The following FBXL13 variants were observed in gnomAD, a reference collection of about 807,000 sequenced individuals.
FBXL13 encodes the protein F-box and leucine rich repeat protein 13, also known as F-box and leucine-rich repeat protein 13.
FBXL13 carries 67 observed loss-of-function variants against 83.6 expected under a neutral mutation model. The ratio of observed to expected loss-of-function variants is 0.80; its 90% CI spans 0.66 to 0.98. FBXL13 has a LOEUF of 0.98. Among genes scored for constraint, FBXL13 ranks in the 50% least tolerant of loss-of-function variants. The pLI, the probability that FBXL13 is intolerant of heterozygous loss-of-function variation, is 0.00. For missense variants in FBXL13, 822 were observed against 866.5 expected, an observed-to-expected ratio of 0.95 and a Z score of 0.64; for synonymous variants, 272 against 299.5, an observed-to-expected ratio of 0.91 and a Z score of 0.95.
At chr7:102,885,569 T>C (rs1810682230) in intron 11 of FBXL13, among the ~76,000 whole-genome samples, 1 of 152,188 alleles carries the variant, frequency 6.6e-6, no homozygotes, top group African/African-American at 2.4e-5. Flanking sequence ...CTGTAGGTTG[T>C]CTTCTCATTT....
intron 2 of FBXL13, among the ~76,000 whole-genome samples, chr7:103,044,214 C>A (rs536392888): frequency 6.6e-6 from 1 of 152,126 alleles, no homozygotes; most frequent in Non-Finnish European, 1.5e-5. Context: ...ACAAATTACC[C>A]GTTTCCTTCA....
chr7:102,843,943 G>A (rs1803482755), intron 17 of FBXL13, among the ~76,000 whole-genome samples: 1 of 152,142 alleles, frequency 6.6e-6, no homozygotes, highest in Non-Finnish European at 1.5e-5. Context: ...ATACCTAAGT[G>A]ATCATCAGAC....
chr7:103,017,433 G>A (rs1162158095), intron 6 of FBXL13, among the ~76,000 whole-genome samples: 1 of 152,180 alleles, frequency 6.6e-6, no homozygotes, highest in South Asian at 2.1e-4. Flanking sequence ...CCCCTCCAAA[G>A]GAATGCAGCT....
intron 10 of FBXL13, among the ~76,000 whole-genome samples, chr7:102,921,461 C>G (rs1271101717): frequency 2.0e-5 from 3 of 151,968 alleles, no homozygotes; most frequent in African/African-American, 7.3e-5. Context: ...GGGTGGATCA[C>G]CTGAGGTCAG....
chr7:102,907,266 G>T lies in FBXL13; in HGVS notation c.1008+5820C>A, dbSNP rs1379032936. Among the ~76,000 whole-genome samples the T allele has an allele frequency of 2.0e-5, 3 of 151,932 alleles. No homozygotes were observed. The East Asian group carries it at 5.8e-4, about 29-fold the overall frequency. ...CTTAAGGCCAACAATTCTTAGATTT[G>T]CCCTTTTGAAATTATTTTCTAGATC... On this transcript the variant is annotated intron_variant, in intron 11 of 19. Transcript: ENST00000313221.
At chr7:103,052,335 T>C (rs984244269) in intron 2 of FBXL13, among the ~76,000 whole-genome samples, 15 of 152,146 alleles carry the variant, frequency 9.9e-5, no homozygotes, top group African/African-American at 3.6e-4. Flanking sequence ...GCAATTCTCC[T>C]ACCTCAGCCT....
intron 17 of FBXL13, among the ~76,000 whole-genome samples, chr7:102,842,787 T>G (rs1233061781): frequency 6.6e-6 from 1 of 152,196 alleles, no homozygotes; most frequent in Non-Finnish European, 1.5e-5. Flanking sequence ...TTCTAGGGGT[T>G]TCAGTTCCAT....
chr7:103,052,975 TC>T (rs1796980376), intron 2 of FBXL13, among the ~76,000 whole-genome samples: 2 of 151,818 alleles, frequency 1.3e-5, no homozygotes, highest in African/African-American at 4.8e-5. Context: ...CAGGCTGGTC[TC>T]AAGCTCCTGA....
At chr7:102,934,375 CTT>C (rs1819861076) in intron 8 of FBXL13, 2 of 1,614,074 alleles carry the variant, frequency 1.2e-6, no homozygotes, top group African/African-American at 1.3e-5. Flanking sequence ...ACACACCTCT[CTT>C]GAGCTACCTG....
intron 19 of FBXL13, among the ~76,000 whole-genome samples, chr7:102,815,712 C>T (rs1387520417): frequency 6.6e-6 from 1 of 151,968 alleles, no homozygotes; most frequent in African/African-American, 2.4e-5. Context: ...TTACATCTTA[C>T]CTTAATGTCA....
At chr7:102,933,923 G>A in intron 8 of FBXL13, 3 of 1,604,442 alleles carry the variant, frequency 1.9e-6, no homozygotes, top group Non-Finnish European at 2.6e-6. Context: ...GATGCGTGTG[G>A]TTACCATTGT....
chr7:102,955,759 A>G (rs1426169962), intron 8 of FBXL13, among the ~76,000 whole-genome samples: 2 of 152,132 alleles, frequency 1.3e-5, no homozygotes, highest in African/African-American at 4.8e-5. Flanking sequence ...AAACACCTCT[A>G]TGCAAATAAA....
chr7:102,837,072 A>T (rs963450061), intron 17 of FBXL13, among the ~76,000 whole-genome samples: 1 of 152,238 alleles, frequency 6.6e-6, no homozygotes, highest in Non-Finnish European at 1.5e-5. Context: ...TAAGATATCA[A>T]CTAAATACAA....
Position 103,035,153 on chromosome 7 carries a change from C to A in FBXL13, c.1-5735G>T, listed in dbSNP as rs114633424. On this transcript the variant is annotated intron_variant, in intron 2 of 19. Transcript: ENST00000313221. ...CAAGGGAAAGGAAGAGTATTTGGCACTTAAGGATTCCAGGTGTACAGCCTG... is the reference window on the plus strand; with the variant it reads ...CAAGGGAAAGGAAGAGTATTTGGCAATTAAGGATTCCAGGTGTACAGCCTG... Among the ~76,000 whole-genome samples, 731 of 152,286 alleles carry A rather than the reference C, an allele frequency of 4.8e-3. 6 individuals carry two copies. The highest frequency in any genetic ancestry group is 0.017 in the African/African-American group (691 of 41,552).
chr7:103,032,588 C>G (rs927807365), intron 2 of FBXL13, among the ~76,000 whole-genome samples: 1 of 152,166 alleles, frequency 6.6e-6, no homozygotes, highest in African/African-American at 2.4e-5. Flanking sequence ...TCAGTTGATG[C>G]GAGGATTTCA....
Position 103,038,205 on chromosome 7 carries a change from C to T in FBXL13, c.1-8787G>A, listed in dbSNP as rs548767764. Among the ~76,000 whole-genome samples, 8 of 152,320 alleles carry T rather than the reference C, an allele frequency of 5.3e-5. No homozygotes were observed. The South Asian group carries it at 1.0e-3, about 20-fold the overall frequency. On this transcript the variant is annotated intron_variant, in intron 2 of 19. Transcript: ENST00000313221. ...CCCATGGAGCCTTACTCACTGCTAG[C>T]GCAGCAGTCTGAGATCGACCTGCGA...
intron 16 of FBXL13, among the ~76,000 whole-genome samples, chr7:102,856,589 A>C (rs370787075): frequency 6.6e-6 from 1 of 152,232 alleles, no homozygotes; most frequent in Non-Finnish European, 1.5e-5. Flanking sequence ...TTAAAATATT[A>C]AAACAGAATG....
rs188312438 is a variant in FBXL13, at chr7:102,991,191, G to A, written c.496-23074C>T. Among the ~76,000 whole-genome samples, 238 of 152,314 alleles carry A rather than the reference G, an allele frequency of 1.6e-3. 1 individual carries two copies. The highest frequency in any genetic ancestry group is 1.3e-3 in the Non-Finnish European group (89 of 68,020). On this transcript the variant is annotated intron_variant, in intron 6 of 19. Coordinates refer to ENST00000313221, the Ensembl canonical transcript of FBXL13. Reference sequence around the variant, plus strand: ...AAAAGAAAAAAATATGCAGTAGGGGGTAAAAGAGAGAAGTCAAAGATATTT... The same window carrying A: ...AAAAGAAAAAAATATGCAGTAGGGGATAAAAGAGAGAAGTCAAAGATATTT...
chr7:103,015,095 C>A (rs1009596813), intron 6 of FBXL13, among the ~76,000 whole-genome samples: 2 of 152,062 alleles, frequency 1.3e-5, no homozygotes, highest in Admixed American at 1.3e-4. Flanking sequence ...AAAACAACCA[C>A]ACAATCATCT....
Sources: gnomAD v4.1 joint callset for allele counts (sites outside exome capture counted in the v4.1 genomes callset) on GRCh38, gnomAD v4.1.1 for gene constraint, MANE v1.5 for transcripts, NCBI Gene and HGNC (gene_info 2026-07-23, HGNC 2026-07-21) for gene names.